Variants in BCL7B observed in about 807,000 individuals in gnomAD.
BCL7B encodes B-cell CLL/lymphoma 7 protein family member B.
In BCL7B, 11 loss-of-function variants were observed where a neutral mutation model predicts 26.5. The observed-to-expected ratio is 0.42, with a 90% confidence interval of 0.26 to 0.69. The LOEUF (loss-of-function observed/expected upper bound fraction) is 0.69, where lower values mean the gene tolerates loss of function less well. Ranked by LOEUF, BCL7B falls within the 30% of genes least tolerant of loss-of-function variation. The pLI is 0.28. For synonymous variants in BCL7B, 111 were observed against 107.9 expected, an observed-to-expected ratio of 1.03 and a Z score of -0.18; for missense variants, 215 against 264.4, an observed-to-expected ratio of 0.81 and a Z score of 1.30.
intron 2 of BCL7B, among the ~76,000 whole-genome samples, chr7:73,545,464 C>T (rs1215641933): frequency 6.6e-6 from 1 of 152,096 alleles, no homozygotes; most frequent in African/African-American, 2.4e-5. Context: ...GGTCTCAATC[C>T]GCCCGCCTCA....
intron 2 of BCL7B, among the ~76,000 whole-genome samples, chr7:73,551,474 TG>T (rs1211068405): frequency 6.6e-6 from 1 of 152,124 alleles, no homozygotes; most frequent in Non-Finnish European, 1.5e-5. Flanking sequence ...CTACTTTTTT[TG>T]TATTTTTAGT....
At chr7:73,539,728 G>A in intron 4 of BCL7B, 154 bp downstream of exon 4, 1 of 868,264 alleles carries the variant, frequency 1.2e-6, no homozygotes, top group Non-Finnish European at 1.7e-6. Flanking sequence ...CTGTGAAAGG[G>A]GAAACTATAA....
At chr7:73,553,224 G>GC (rs1792244283) in intron 1 of BCL7B, among the ~76,000 whole-genome samples, 2 of 151,958 alleles carry the variant, frequency 1.3e-5, no homozygotes, top group Admixed American at 1.3e-4. Flanking sequence ...GGGATTACAG[G>GC]CATGAGCCAC....
At chr7:73,555,562 G>A (rs1030884864) in intron 1 of BCL7B, among the ~76,000 whole-genome samples, 1 of 152,096 alleles carries the variant, frequency 6.6e-6, no homozygotes, top group East Asian at 1.9e-4. Flanking sequence ...CAAGAGGGAG[G>A]AGAGGAGAGA....
intron 1 of BCL7B, chr7:73,557,186 G>A (rs1584006517): frequency 4.9e-6 from 5 of 1,030,226 alleles, no homozygotes; most frequent in East Asian, 1.6e-4. Flanking sequence ...GGGCTGGGCC[G>A]GGCGCGGGCA....
intron 2 of BCL7B, 87 bp downstream of exon 2, chr7:73,552,080 G>C (rs1372729664): frequency 1.8e-6 from 2 of 1,117,872 alleles, no homozygotes; most frequent in Middle Eastern, 2.1e-4. Flanking sequence ...GTGACACAGC[G>C]AGACTCCGTC....
rs1792202932 is a variant in BCL7B at position 73,552,258 on chromosome 7, T to C, written c.93-16A>G. The C allele has an allele frequency of 1.3e-6, 2 of 1,597,772 alleles. No homozygotes were observed. Among genetic ancestry groups the C allele is most frequent in the Admixed American group, 1.7e-5 (1 of 58,280 alleles). On this transcript the variant is annotated splice_polypyrimidine_tract_variant and intron_variant, in intron 1 of 5. Transcript: ENST00000223368. Reference sequence around the variant, plus strand: ...CTTCTTCTCCCTAAAAGAAAGACACTTCTTAGAACGGATAAAACAATGCAA... The same window carrying C: ...CTTCTTCTCCCTAAAAGAAAGACACCTCTTAGAACGGATAAAACAATGCAA...
chr7:73,537,435 C>G (rs959888534), intron 5 of BCL7B, 45 bp from the exon 6 acceptor site: 1 of 1,460,682 alleles, frequency 6.8e-7, no homozygotes, highest in African/African-American at 1.4e-5. Flanking sequence ...CCCCTCCCAA[C>G]CAGAACCTTC....
In BCL7B at chr7:73,539,993, T is replaced by G; in HGVS notation, c.325A>C (p.Thr109Pro). ...DVYQLKVDSSTNSSPSPQQSE... is the reference protein window; with the variant it reads ...DVYQLKVDSSPNSSPSPQQSE... ...TGCTGGGGGCTGGGGCTTGAGTTGG[T>G]GCTGCTGTCCACCTTAAGCTGATAG... Residue 109 changes from threonine to proline, a missense_variant, in exon 4 of 6, where the codon ACC becomes CCC. Thr to Pro is a conservative substitution (Grantham distance 38, BLOSUM62 -1). Transcript: ENST00000223368. 6.2e-7 allele frequency: 1 copy of G among 1,614,084 alleles called. No individual in the cohort carries two copies. Among genetic ancestry groups the G allele is most frequent in the Non-Finnish European group, 8.5e-7 (1 of 1,180,020 alleles).
At chr7:73,547,221 G>C (rs1791989440) in intron 2 of BCL7B, among the ~76,000 whole-genome samples, 1 of 152,134 alleles carries the variant, frequency 6.6e-6, no homozygotes, top group Non-Finnish European at 1.5e-5. Flanking sequence ...CCAGCACTTT[G>C]GGAGGCCAAG....
At chr7:73,553,793 T>C (rs1488768347) in intron 1 of BCL7B, 1 of 154,460 alleles carries the variant, frequency 6.5e-6, no homozygotes, top group African/African-American at 2.4e-5. Flanking sequence ...GCAGAGTTTA[T>C]CAGTCCACTA....
At chr7:73,537,650 G>A (rs1414267185) in intron 5 of BCL7B, among the ~76,000 whole-genome samples, 1 of 152,152 alleles carries the variant, frequency 6.6e-6, no homozygotes, top group African/African-American at 2.4e-5. Flanking sequence ...CACATTGGGA[G>A]GCTGAGATGG....
At chr7:73,548,625 A>G (rs572360696) in intron 2 of BCL7B, among the ~76,000 whole-genome samples, 3 of 151,242 alleles carry the variant, frequency 2.0e-5, no homozygotes, top group Non-Finnish European at 4.4e-5. Context: ...TTACAAAATA[A>G]TAATAATAAT....
intron 2 of BCL7B, among the ~76,000 whole-genome samples, chr7:73,545,854 G>A (rs367982478): frequency 1.3e-5 from 2 of 152,216 alleles, no homozygotes; most frequent in South Asian, 2.1e-4. Context: ...AAAACTGGCC[G>A]GGCGCGGTGG....
At chr7:73,540,102 C>T in intron 3 of BCL7B, 50 bp from the exon 4 acceptor site, 46 of 1,579,126 alleles carry the variant, frequency 2.9e-5, no homozygotes, top group Non-Finnish European at 4.0e-5. Context: ...TCATTTTCCT[C>T]AAGAGGAACT....
intron 3 of BCL7B, among the ~76,000 whole-genome samples, chr7:73,540,916 G>C (rs1554582798): frequency 6.7e-6 from 1 of 149,398 alleles, no homozygotes; most frequent in South Asian, 2.2e-4. Context: ...GGAGGCCAAG[G>C]TGGGCGGATC....
At chr7:73,542,639 C>T (rs147369604) in intron 3 of BCL7B, among the ~76,000 whole-genome samples, 116 of 152,230 alleles carry the variant, frequency 7.6e-4, no homozygotes, top group African/African-American at 2.6e-3. Flanking sequence ...AAAAGTGCTT[C>T]GTAGACAGTA....
At chr7:73,554,916 T>C (rs1003620844) in intron 1 of BCL7B, among the ~76,000 whole-genome samples, 2 of 152,014 alleles carry the variant, frequency 1.3e-5, no homozygotes, top group Admixed American at 1.3e-4. Flanking sequence ...GACCACTCCA[T>C]TTTCTCATTT....
chr7:73,551,567 G>A (rs994800632), intron 2 of BCL7B, among the ~76,000 whole-genome samples: 2 of 151,980 alleles, frequency 1.3e-5, no homozygotes, highest in Non-Finnish European at 2.9e-5. Flanking sequence ...GCCTCCCAAA[G>A]TGCTGGGATT....
Sources: gnomAD v4.1 joint callset for allele counts (sites outside exome capture counted in the v4.1 genomes callset) on GRCh38, gnomAD v4.1.1 for gene constraint, MANE v1.5 for transcripts, NCBI Gene and HGNC (gene_info 2026-07-23, HGNC 2026-07-21) for gene names.